Variants in CSMD1 observed in about 807,000 individuals in gnomAD.
CSMD1 encodes the protein CUB and sushi domain-containing protein 1.
A neutral mutation model predicts 417.5 loss-of-function variants in CSMD1; 213 were observed. The ratio of observed to expected loss-of-function variants is 0.51; its 90% confidence interval spans 0.46 to 0.57. The LOEUF (loss-of-function observed/expected upper bound fraction) is 0.57. Among genes scored for constraint, CSMD1 ranks in the 20% least tolerant of loss-of-function variants. The pLI, the probability that CSMD1 is intolerant of heterozygous loss-of-function variation, is 0.00. For synonymous variants in CSMD1, 2,862 were observed against 1,736.8 expected (o/e 1.65, Z -16.11); for missense variants, 6,923 against 4,529.7 (o/e 1.53, Z -15.17).
At chr8:4,334,960 G>C (rs914994458) in intron 3 of CSMD1, among the ~76,000 whole-genome samples, 4 of 152,114 alleles carry the variant, frequency 2.6e-5, no homozygotes, top group African/African-American at 9.7e-5. Context: ...TCACATGACA[G>C]TAAAACCAGT....
At position 4,892,461 on chromosome 8, in the gene CSMD1, C is replaced by A. The variant is rs1205402181; in HGVS notation, c.85+101871G>T. On this transcript the variant is annotated intron_variant, in intron 1 of 69. Coordinates refer to ENST00000635120, the MANE Select transcript of CSMD1 (RefSeq NM_033225.6). ...AGATTATAAAAAAATAGGTTCATGT[C>A]TTTTAATCACGTTTTACTAACTGAA... is the stretch of plus-strand genomic sequence containing the variant. 3.3e-5 allele frequency among the ~76,000 whole-genome samples: 5 copies of A among 152,154 alleles called. 1 individual carries two copies. The South Asian group carries it at 8.3e-4, about 25-fold the overall frequency.
chr8:2,973,005 T>C (rs2128933381), intron 57 of CSMD1, 112 bp downstream of exon 57: 1 of 999,884 alleles, frequency 1.0e-6, no homozygotes, highest in South Asian at 1.8e-5. Flanking sequence ...AAAGATTTAA[T>C]TGTATAAATA....
chr8:4,070,763 G>T (rs554693005), intron 3 of CSMD1, among the ~76,000 whole-genome samples: 1 of 152,290 alleles, frequency 6.6e-6, no homozygotes, highest in African/African-American at 2.4e-5. Context: ...CCACGAGCCT[G>T]TCACTGACAC....
intron 2 of CSMD1, among the ~76,000 whole-genome samples, chr8:4,437,952 T>C (rs550793431): frequency 6.6e-5 from 10 of 152,274 alleles, no homozygotes; most frequent in African/African-American, 2.4e-4. Context: ...TCTAAGTGTT[T>C]TCCATGTATT....
At chr8:4,218,679 T>G (rs542103761) in intron 3 of CSMD1, among the ~76,000 whole-genome samples, 1 of 152,322 alleles carries the variant, frequency 6.6e-6, no homozygotes, top group Non-Finnish European at 1.5e-5. Context: ...GCTCTAAAGC[T>G]TGGATACATC....
intron 5 of CSMD1, among the ~76,000 whole-genome samples, chr8:3,777,756 T>G (rs945017186): frequency 6.9e-6 from 1 of 144,192 alleles, no homozygotes; most frequent in African/African-American, 2.6e-5. Context: ...CTCCTTGAAG[T>G]GCAGAGTCTC....
chr8:4,754,786 T>A (rs1213371970), intron 1 of CSMD1, among the ~76,000 whole-genome samples: 1 of 151,830 alleles, frequency 6.6e-6, no homozygotes, highest in African/African-American at 2.4e-5. Context: ...GAAGCAGAGG[T>A]TGCAGTGAGC....
chr8:3,338,098 T>A (rs1807391478), intron 23 of CSMD1, among the ~76,000 whole-genome samples: 1 of 152,158 alleles, frequency 6.6e-6, no homozygotes, highest in Admixed American at 6.5e-5. Context: ...CAAAAATAAA[T>A]GCAAATACAA....
At chr8:4,453,752 C>G (rs1174272165) in intron 2 of CSMD1, among the ~76,000 whole-genome samples, 4 of 151,232 alleles carry the variant, frequency 2.6e-5, no homozygotes, top group African/African-American at 2.4e-5. Flanking sequence ...ATTCCGGGTC[C>G]CCATTTGAGC....
intron 3 of CSMD1, among the ~76,000 whole-genome samples, chr8:4,393,160 G>C (rs1215365013): frequency 6.6e-6 from 1 of 151,868 alleles, no homozygotes; most frequent in Non-Finnish European, 1.5e-5. Flanking sequence ...ATTTTTAGTA[G>C]AGACGAAGTT....
At chr8:3,113,451 A>G (rs1816658730) in intron 42 of CSMD1, 1 of 152,254 alleles carries the variant, frequency 6.6e-6, no homozygotes, top group Non-Finnish European at 1.5e-5. Context: ...TATTTTTCCA[A>G]GAATAAGCAC....
intron 3 of CSMD1, among the ~76,000 whole-genome samples, chr8:4,077,884 G>A (rs1015707691): frequency 6.6e-6 from 1 of 151,970 alleles, no homozygotes; most frequent in African/African-American, 2.4e-5. Context: ...TGTAATTGAT[G>A]CCCAATATAG....
chr8:4,536,497 T>A (rs1797109556), intron 2 of CSMD1, among the ~76,000 whole-genome samples: 1 of 152,196 alleles, frequency 6.6e-6, no homozygotes, highest in Non-Finnish European at 1.5e-5. Context: ...CCTTGTCTTT[T>A]TCTCTTAACA....
intron 21 of CSMD1, among the ~76,000 whole-genome samples, chr8:3,352,402 A>G (rs951088571): frequency 2.0e-5 from 3 of 152,244 alleles, no homozygotes; most frequent in Admixed American, 6.5e-5. Flanking sequence ...TAGAATTTCA[A>G]TAGAAGAGAA....
intron 1 of CSMD1, among the ~76,000 whole-genome samples, chr8:4,922,280 G>A (rs900063932): frequency 2.6e-5 from 4 of 152,066 alleles, no homozygotes; most frequent in African/African-American, 9.7e-5. Flanking sequence ...TTGTTTAAAG[G>A]TATAAATAGG....
At chr8:3,113,638 C>G (rs533005042) in intron 42 of CSMD1, among the ~76,000 whole-genome samples, 1 of 152,190 alleles carries the variant, frequency 6.6e-6, no homozygotes, top group Non-Finnish European at 1.5e-5. Flanking sequence ...TCAAATACCA[C>G]GGAGGCTTCC....
intron 1 of CSMD1, among the ~76,000 whole-genome samples, chr8:4,647,022 C>A (rs538647377): frequency 6.6e-6 from 1 of 152,124 alleles, no homozygotes; most frequent in Non-Finnish European, 1.5e-5. Context: ...GCTGACACGG[C>A]CCTCCTCTAG....
At chr8:4,694,486 G>A (rs571602894) in intron 1 of CSMD1, among the ~76,000 whole-genome samples, 2 of 152,032 alleles carry the variant, frequency 1.3e-5, no homozygotes, top group African/African-American at 4.8e-5. Context: ...CAAGTAGCTG[G>A]GGCTATCTAT....
chr8:3,029,366 T>A lies in CSMD1; in HGVS notation c.7808A>T (p.Gln2603Leu). ...TCCTATGTTCCACGTCCCATTGGCC[T>A]GGCACCGCAGGAGCCTCCAGCCTTC... ...YLEGWRLLRC[Q>L]ANGTWNIGDE... Residue 2603 changes from glutamine to leucine, a missense_variant, in exon 51 of 70, where the codon CAG becomes CTG. Transcript: ENST00000635120. 6.2e-7 allele frequency: 1 copy of A among 1,611,384 alleles called. No homozygotes were observed. The highest frequency in any genetic ancestry group is 8.5e-7 in the Non-Finnish European group (1 of 1,179,448).
Sources: gnomAD v4.1 joint callset for allele counts (sites outside exome capture counted in the v4.1 genomes callset) on GRCh38, gnomAD v4.1.1 for gene constraint, MANE v1.5 for transcripts, NCBI Gene and HGNC (gene_info 2026-07-23, HGNC 2026-07-21) for gene names.